HOOK3: variants seen among roughly 807,000 people sequenced by gnomAD.
The protein encoded by HOOK3 is protein Hook homolog 3.
HOOK3 carries 24 observed loss-of-function variants against 116.3 expected under a neutral mutation model. That is an observed-to-expected ratio of 0.21 (90% CI 0.15 to 0.29). The LOEUF is 0.29. Among genes scored for constraint, HOOK3 ranks in the 10% least tolerant of loss-of-function variants. The pLI is 1.00. For missense variants in HOOK3, 632 were observed against 830.2 expected, an observed-to-expected ratio of 0.76 and a Z score of 2.93; for synonymous variants, 275 against 283.0, an observed-to-expected ratio of 0.97 and a Z score of 0.28.
At position 43,026,765 on chromosome 8, in the gene HOOK3, A is replaced by C. The variant is rs544478860; in HGVS notation, c.*8267A>C. 4.4e-6 allele frequency: 1 copy of C among 228,444 alleles called. No individual in the cohort carries two copies. Among genetic ancestry groups the C allele is most frequent in the South Asian group, 1.8e-4 (1 of 5,490 alleles). The allele number at this position is 228,444 out of a possible 1,614,324, so 14.2% of individuals were successfully genotyped here. On this transcript the variant is annotated 3_prime_UTR_variant, in exon 22 of 22. Transcript: ENST00000307602. ...CTGGGAGCTGTCAAGTCGGAGGATC[A>C]GGAAAATGGTGGGGAAGAGGTGACT...
At chr8:42,908,080 AAG>A (rs761773236) in intron 2 of HOOK3, among the ~76,000 whole-genome samples, 8 of 152,196 alleles carry the variant, frequency 5.3e-5, no homozygotes, top group Admixed American at 1.3e-4. Context: ...AATAGCTACC[AAG>A]TAAAATAAAA....
At chr8:42,944,171 T>A (rs1188512383) in intron 5 of HOOK3, among the ~76,000 whole-genome samples, 1 of 152,038 alleles carries the variant, frequency 6.6e-6, no homozygotes, top group Non-Finnish European at 1.5e-5. Flanking sequence ...TCCCAGCACT[T>A]TGGGAGGCCA....
chr8:42,909,133 T>G (rs1807373274), intron 2 of HOOK3, among the ~76,000 whole-genome samples: 2 of 152,320 alleles, frequency 1.3e-5, no homozygotes, highest in South Asian at 4.1e-4. Context: ...TCAGAATGGC[T>G]GTTATCAAAA....
chr8:42,910,502 G>A (rs1563288942), intron 2 of HOOK3, among the ~76,000 whole-genome samples: 1 of 152,110 alleles, frequency 6.6e-6, no homozygotes, highest in Non-Finnish European at 1.5e-5. Context: ...ACTCAATACC[G>A]CTATGCCAAA....
chr8:43,013,279 G>C (rs758390654), intron 20 of HOOK3, 50 bp from the exon 21 acceptor site: 5 of 1,439,190 alleles, frequency 3.5e-6, no homozygotes, highest in Non-Finnish European at 4.7e-6. Context: ...TATTTATATT[G>C]AGTTATTTTA....
chr8:42,970,782 C>CTTTTTTTTTTTTTTT lies in HOOK3; in HGVS notation c.1123-2500_1123-2486dup, dbSNP rs764513803. 1.4e-3 allele frequency among the ~76,000 whole-genome samples: 127 copies of CTTTTTTTTTTTTTTT among 93,858 alleles called. 10 individuals carry two copies. Among genetic ancestry groups the CTTTTTTTTTTTTTTT allele is most frequent in the African/African-American group, 5.2e-3 (121 of 23,078 alleles). 61.6% of individuals were successfully genotyped at this position (93,858 alleles called of 152,430 possible). A position where few individuals can be genotyped will look rare whatever the true frequency, so the allele number is the denominator to read the frequency against. On this transcript the variant is annotated intron_variant, in intron 11 of 21. Coordinates refer to ENST00000307602, the MANE Select transcript of HOOK3 (RefSeq NM_032410.4). Reference sequence around the variant, plus strand: ...GTAAAGAAATAAAAGGAATTTGGGTCTTTTTTTTTTTTTTTTTTTTTCTGA... The same window carrying CTTTTTTTTTTTTTTT: ...GTAAAGAAATAAAAGGAATTTGGGTCTTTTTTTTTTTTTTTTTTTTTTTTTTTTTTTTTTTTCTGA...
At chr8:42,958,660 A>G (rs781730830) in intron 7 of HOOK3, among the ~76,000 whole-genome samples, 2 of 143,628 alleles carry the variant, frequency 1.4e-5, no homozygotes, top group Non-Finnish European at 3.0e-5. Flanking sequence ...GGTTTGTTAC[A>G]TAGGTACACA....
At chr8:42,960,660 A>G (rs912803654) in intron 8 of HOOK3, among the ~76,000 whole-genome samples, 1 of 152,166 alleles carries the variant, frequency 6.6e-6, no homozygotes, top group African/African-American at 2.4e-5. Flanking sequence ...CAATCATTAC[A>G]TGGCTGGCTG....
At chr8:42,949,855 T>C (rs1401586887) in intron 5 of HOOK3, among the ~76,000 whole-genome samples, 1 of 151,588 alleles carries the variant, frequency 6.6e-6, no homozygotes, top group Non-Finnish European at 1.5e-5. Context: ...AGGCGGAGGT[T>C]GCAGTGAGCC....
intron 21 of HOOK3, among the ~76,000 whole-genome samples, chr8:43,017,826 T>G (rs550509808): frequency 4.9e-4 from 75 of 152,206 alleles, no homozygotes; most frequent in South Asian, 1.7e-3. Flanking sequence ...CTTCTCTCAT[T>G]TGGGCCCTCT....
At chr8:42,938,805 A>G (rs966673781) in intron 4 of HOOK3, among the ~76,000 whole-genome samples, 185 of 152,104 alleles carry the variant, frequency 1.2e-3, no homozygotes, top group African/African-American at 4.2e-3. Flanking sequence ...TGGAGGGAAG[A>G]TCAGCAGATA....
intron 2 of HOOK3, among the ~76,000 whole-genome samples, chr8:42,908,938 A>G (rs773800129): frequency 6.6e-6 from 1 of 152,266 alleles, no homozygotes; most frequent in Non-Finnish European, 1.5e-5. Context: ...TCCAGTCTGT[A>G]TAAGAAACTT....
intron 2 of HOOK3, among the ~76,000 whole-genome samples, chr8:42,922,892 AAAG>A (rs564464808): frequency 2.6e-5 from 4 of 152,076 alleles, no homozygotes; most frequent in Non-Finnish European, 4.4e-5. Flanking sequence ...AAAAAAAAAA[AAAG>A]AAGGAAAGAA....
At chr8:42,992,399 C>CA (rs36048747) in intron 15 of HOOK3, among the ~76,000 whole-genome samples, 5,087 of 38,384 alleles carry the variant, frequency 0.13, 422 homozygotes, top group African/African-American at 0.23. Context: ...GACTCTGTCT[C>CA]AAAAAAAAAA....
intron 9 of HOOK3, among the ~76,000 whole-genome samples, chr8:42,965,965 A>G (rs1247246205): frequency 6.6e-6 from 1 of 152,170 alleles, no homozygotes; most frequent in Admixed American, 6.5e-5. Flanking sequence ...CAGCCAAAAA[A>G]CAACATGTCA....
At chr8:42,904,693 T>A (rs1011349729) in intron 1 of HOOK3, among the ~76,000 whole-genome samples, 17 of 152,216 alleles carry the variant, frequency 1.1e-4, no homozygotes, top group African/African-American at 3.9e-4. Flanking sequence ...TAGAATAAGG[T>A]CCTAATGTGG....
At chr8:42,955,963 G>C (rs1808424921) in intron 6 of HOOK3, among the ~76,000 whole-genome samples, 1 of 152,056 alleles carries the variant, frequency 6.6e-6, no homozygotes, top group Non-Finnish European at 1.5e-5. Context: ...CAACTCCTGG[G>C]CTCAAGCATT....
chr8:43,007,923 A>G lies in HOOK3; in HGVS notation c.1732A>G (p.Asn578Asp), dbSNP rs200721139. ...IIEDLEPRFN[N>D]SSLKIEELQE... is the part of the protein sequence containing the mutation. ...TGAAGATCTCGAGCCAAGATTTAAC[A>G]ACAGCTGTGAGTTTTCCTAATTAGG... is the stretch of plus-strand genomic sequence containing the variant. Residue 578 changes from asparagine to aspartate, a missense_variant, in exon 18 of 22, where the codon AAC becomes GAC. By Grantham distance (23) the Asn-to-Asp change is conservative. Around this residue, in one of 3 missense-constraint regions of HOOK3, gnomAD observed 483 missense variants for 648.1 expected, o/e 0.75. Transcript: ENST00000307602. The G allele has an allele frequency of 1.7e-5, 27 of 1,586,760 alleles. 1 individual carries two copies. The South Asian group carries it at 3.0e-4, about 18-fold the overall frequency.
At chr8:43,015,128 C>G (rs907207148) in intron 21 of HOOK3, among the ~76,000 whole-genome samples, 1 of 151,874 alleles carries the variant, frequency 6.6e-6, no homozygotes, top group Non-Finnish European at 1.5e-5. Context: ...CAGAGTGAGA[C>G]TCTGTCTCAA....
Sources: allele counts gnomAD v4.1 joint callset (sites outside exome capture counted in the v4.1 genomes callset), GRCh38; gene constraint gnomAD v4.1.1; regional missense constraint gnomAD v4.1.1; transcripts MANE v1.5; gene names NCBI Gene and HGNC (gene_info 2026-07-23, HGNC 2026-07-21).